WDR70: variants seen among roughly 807,000 people sequenced by gnomAD.
WDR70 encodes WD repeat-containing protein 70.
In WDR70, 53 loss-of-function variants were observed where a neutral mutation model predicts 88.6. That is an observed-to-expected ratio of 0.60 (90% CI 0.48 to 0.75). The LOEUF (loss-of-function observed/expected upper bound fraction) is 0.75, where lower values mean the gene tolerates loss of function less well. WDR70 is among the 30% of genes least tolerant of loss of function. WDR70 has a pLI of 0.00. For synonymous variants in WDR70, 280 were observed against 270.0 expected (o/e 1.04, Z -0.36); for missense variants, 610 against 823.2 (o/e 0.74, Z 3.17).
At chr5:37,675,256 T>G (rs972667849) in intron 10 of WDR70, among the ~76,000 whole-genome samples, 1 of 152,174 alleles carries the variant, frequency 6.6e-6, no homozygotes, top group African/African-American at 2.4e-5. Flanking sequence ...CATTTGTCAA[T>G]TTTTGCTTTT....
intron 8 of WDR70, among the ~76,000 whole-genome samples, chr5:37,487,265 G>A (rs1007939926): frequency 8.6e-5 from 13 of 151,974 alleles, no homozygotes; most frequent in Non-Finnish European, 4.4e-5. Context: ...TCTAGGAAAT[G>A]TTACTGATAT....
At chr5:37,699,946 C>CAA (rs111426175) in intron 11 of WDR70, among the ~76,000 whole-genome samples, 1 of 119,488 alleles carries the variant, frequency 8.4e-6, no homozygotes, top group Non-Finnish European at 1.8e-5. Flanking sequence ...GACTCTGTCT[C>CAA]AAAAAAAAAC....
In WDR70 at chr5:37,558,494, A is replaced by AG. The variant is rs1561901025; in HGVS notation, c.917+41904_917+41905insG. On this transcript the variant is annotated intron_variant, in intron 9 of 17. Transcript: ENST00000265107. ...CCACCTTCCTGGTTAATTAAAAAAA[A>AG]ATTTTTTTTTTTTTAGAGATAGGGT... Among the ~76,000 whole-genome samples the AG allele has an allele frequency of 1.8e-3, 265 of 151,288 alleles. 1 individual carries two copies. Among genetic ancestry groups the AG allele is most frequent in the African/African-American group, 6.3e-3 (258 of 41,116 alleles).
chr5:37,727,708 T>C (rs1253985208), intron 17 of WDR70, among the ~76,000 whole-genome samples: 1 of 152,082 alleles, frequency 6.6e-6, no homozygotes, highest in Non-Finnish European at 1.5e-5. Flanking sequence ...CCTGGGTAGC[T>C]AGCACGACAA....
intron 9 of WDR70, among the ~76,000 whole-genome samples, chr5:37,540,271 G>A (rs1168823951): frequency 2.6e-5 from 4 of 152,208 alleles, no homozygotes; most frequent in African/African-American, 9.6e-5. Context: ...TGGCTGCAAA[G>A]CTATGAATTT....
At chr5:37,519,280 C>A (rs1179195991) in intron 9 of WDR70, among the ~76,000 whole-genome samples, 4 of 151,002 alleles carry the variant, frequency 2.6e-5, no homozygotes, top group Non-Finnish European at 4.4e-5. Flanking sequence ...GGTGGCTGGG[C>A]AGAGGCACTC....
chr5:37,451,736 C>T (rs1738681845), intron 7 of WDR70, among the ~76,000 whole-genome samples: 1 of 152,176 alleles, frequency 6.6e-6, no homozygotes, highest in Non-Finnish European at 1.5e-5. Context: ...TGGCTCACGG[C>T]TGTAATCCCC....
At chr5:37,578,097 C>T (rs1445733610) in intron 9 of WDR70, among the ~76,000 whole-genome samples, 1 of 152,156 alleles carries the variant, frequency 6.6e-6, no homozygotes, top group East Asian at 1.9e-4. Flanking sequence ...GGCAGCCAGG[C>T]AGTCATTGTG....
rs957790003 is a variant in WDR70, at chr5:37,506,976, C to T, written c.841-9538C>T. 26 of 643,510 alleles carry T rather than the reference C, an allele frequency of 4.0e-5. No homozygotes were observed. In the African/African-American group the frequency reaches 4.3e-4, roughly 11 times the overall value. 39.9% of individuals were successfully genotyped at this position (643,510 alleles called of 1,614,324 possible). ...CCCACTTGGATTCACCTCCCTTTGC[C>T]ACCTTCCTGCCCTTGGGGACACACA... is the stretch of plus-strand genomic sequence containing the variant. On this transcript the variant is annotated intron_variant, in intron 8 of 17. Transcript: ENST00000265107.
intron 10 of WDR70, among the ~76,000 whole-genome samples, chr5:37,677,647 A>G (rs1213502962): frequency 2.0e-5 from 3 of 151,952 alleles, no homozygotes; most frequent in African/African-American, 7.3e-5. Context: ...GGAGAGCTTT[A>G]CTTCCAACTA....
intron 9 of WDR70, among the ~76,000 whole-genome samples, chr5:37,583,420 C>CAAA (rs142442041): frequency 1.7e-5 from 1 of 59,258 alleles, no homozygotes; most frequent in African/African-American, 5.1e-5. Flanking sequence ...GACTCTGTCT[C>CAAA]AAAAAAAAAA....
At chr5:37,457,945 T>A (rs1256203544) in intron 7 of WDR70, among the ~76,000 whole-genome samples, 1 of 150,032 alleles carries the variant, frequency 6.7e-6, no homozygotes, top group Non-Finnish European at 1.5e-5. Flanking sequence ...CCATTCAGTA[T>A]GATATTGGCT....
At chr5:37,749,607 C>G (rs1335293801) in intron 17 of WDR70, among the ~76,000 whole-genome samples, 2 of 151,860 alleles carry the variant, frequency 1.3e-5, no homozygotes, top group African/African-American at 4.8e-5. Flanking sequence ...ATTTTGCTGG[C>G]AACATTATGA....
intron 5 of WDR70, among the ~76,000 whole-genome samples, chr5:37,420,516 T>C (rs1238922251): frequency 6.6e-6 from 1 of 152,206 alleles, no homozygotes; most frequent in African/African-American, 2.4e-5. Context: ...CATAACTCAC[T>C]GCAACCTCGA....
chr5:37,637,744 G>A (rs1226022365), intron 10 of WDR70, among the ~76,000 whole-genome samples: 2 of 152,132 alleles, frequency 1.3e-5, no homozygotes, highest in Non-Finnish European at 2.9e-5. Context: ...CATAATTCTT[G>A]GAAGTGGAGC....
intron 10 of WDR70, among the ~76,000 whole-genome samples, chr5:37,636,085 G>A (rs1481652765): frequency 1.3e-5 from 2 of 152,086 alleles, no homozygotes; most frequent in Non-Finnish European, 2.9e-5. Flanking sequence ...CCAGTCTCTG[G>A]TATGTCTTTA....
chr5:37,544,694 T>G (rs1435374392), intron 9 of WDR70, among the ~76,000 whole-genome samples: 1 of 152,174 alleles, frequency 6.6e-6, no homozygotes, highest in Non-Finnish European at 1.5e-5. Flanking sequence ...ATTCCCAAGA[T>G]TCTAACCTGA....
chr5:37,483,350 T>A (rs1739734743), intron 8 of WDR70, among the ~76,000 whole-genome samples: 1 of 151,978 alleles, frequency 6.6e-6, no homozygotes, highest in Admixed American at 6.6e-5. Flanking sequence ...AAAGCACATC[T>A]TGCACCGCCC....
intron 10 of WDR70, among the ~76,000 whole-genome samples, chr5:37,667,015 A>G (rs1423971140): frequency 6.6e-6 from 1 of 152,180 alleles, no homozygotes; most frequent in Non-Finnish European, 1.5e-5. Flanking sequence ...ACTATGTACC[A>G]GCCCCCATGA....
Sources: allele counts gnomAD v4.1 joint callset (sites outside exome capture counted in the v4.1 genomes callset), GRCh38; gene constraint gnomAD v4.1.1; transcripts MANE v1.5; gene names NCBI Gene and HGNC (gene_info 2026-07-23, HGNC 2026-07-21).